OTC: variants seen among roughly 807,000 people sequenced by gnomAD.
The protein encoded by OTC is ornithine transcarbamylase, mitochondrial.
A neutral mutation model predicts 30.3 loss-of-function variants in OTC; 3 were observed. The observed-to-expected ratio is 0.10, with a 90% CI of 0.05 to 0.26. OTC has a LOEUF of 0.26. OTC is among the 10% of genes least tolerant of loss of function. The probability of loss-of-function intolerance (pLI) is 1.00; values close to 1 mark genes in which losing one functional copy is unlikely to be tolerated. For missense variants in OTC, 194 were observed against 260.3 expected (o/e 0.75, Z 1.75); for synonymous variants, 111 against 99.7 (o/e 1.11, Z -0.67).
intron 6 of OTC, among the ~76,000 whole-genome samples, chrX:38,407,466 T>G (rs1389483216): frequency 8.9e-6 from 1 of 111,861 alleles, no homozygotes; most frequent in East Asian, 2.8e-4. Context: ...AATCAACTCA[T>G]AATCAATGCT....
chrX:38,375,898 C>T (rs1414930074), intron 3 of OTC, among the ~76,000 whole-genome samples: 1 of 110,622 alleles, frequency 9.0e-6, no homozygotes, highest in Non-Finnish European at 1.9e-5. Flanking sequence ...CTGGGGCACA[C>T]CAACATTCAG....
At chrX:38,362,435 A>G (rs1333270466) in intron 1 of OTC, among the ~76,000 whole-genome samples, 1 of 111,901 alleles carries the variant, frequency 8.9e-6, no homozygotes, top group African/African-American at 3.2e-5. Flanking sequence ...GCTGCCATGG[A>G]AAGTCTAGAG....
chrX:38,400,302 A>G (rs1448404755), intron 4 of OTC, among the ~76,000 whole-genome samples: 5 of 111,492 alleles, frequency 4.5e-5, no homozygotes, highest in Admixed American at 3.8e-4. Context: ...GTCTAGAAAA[A>G]TATTGTTATA....
intron 8 of OTC, 143 bp downstream of exon 8, chrX:38,409,168 C>T: frequency 1.5e-6 from 1 of 645,662 alleles, no homozygotes; most frequent in Non-Finnish European, 2.4e-6. Context: ...CTAGGGACTT[C>T]TCTCCTTCCA....
chrX:38,388,978 G>A (rs11798353), intron 4 of OTC, among the ~76,000 whole-genome samples: 19,883 of 111,247 alleles, frequency 0.18, 1,562 homozygotes, highest in Middle Eastern at 0.27. Flanking sequence ...TCCAAAATCA[G>A]TGTGTCAACA....
chrX:38,382,501 A>G (rs913081874), intron 4 of OTC, among the ~76,000 whole-genome samples: 2 of 112,413 alleles, frequency 1.8e-5, no homozygotes, highest in Non-Finnish European at 3.7e-5. Flanking sequence ...AGAGATTTCA[A>G]ATAACTCTTC....
intron 3 of OTC, among the ~76,000 whole-genome samples, chrX:38,375,722 TA>T (rs778382063): frequency 1.8e-5 from 2 of 111,133 alleles, no homozygotes; most frequent in Non-Finnish European, 3.8e-5. Flanking sequence ...GCAAAGATGT[TA>T]AAAAAAAGCA....
chrX:38,377,985 C>T (rs997545694), intron 3 of OTC, among the ~76,000 whole-genome samples: 7 of 109,035 alleles, frequency 6.4e-5, no homozygotes, highest in African/African-American at 1.0e-4. Flanking sequence ...TACAGGCGCC[C>T]GCCACCATGC....
chrX:38,373,179 A>G (rs1325216154), intron 3 of OTC, among the ~76,000 whole-genome samples: 1 of 112,370 alleles, frequency 8.9e-6, no homozygotes, highest in Non-Finnish European at 1.9e-5. Context: ...GAAGCTTCCC[A>G]CTACCCTTCA....
At chrX:38,364,791 C>CAA (rs59159746) in intron 1 of OTC, among the ~76,000 whole-genome samples, 21,157 of 99,022 alleles carry the variant, frequency 0.21, 2,020 homozygotes, top group African/African-American at 0.28. Context: ...GACTCCATCT[C>CAA]AAAAAAAAAA....
At chrX:38,378,234 A>G (rs1295752819) in intron 3 of OTC, among the ~76,000 whole-genome samples, 1 of 99,342 alleles carries the variant, frequency 1.0e-5, no homozygotes, top group Admixed American at 1.2e-4. Flanking sequence ...TCACCTATCC[A>G]TCTTCCTCAG....
At chrX:38,406,507 G>T (rs2068516488) in intron 6 of OTC, among the ~76,000 whole-genome samples, 1 of 111,670 alleles carries the variant, frequency 9.0e-6, no homozygotes, top group Non-Finnish European at 1.9e-5. Flanking sequence ...TGTGAGTAAA[G>T]AATTCCTCTC....
intron 6 of OTC, among the ~76,000 whole-genome samples, chrX:38,404,328 T>C (rs1202306808): frequency 4.5e-5 from 5 of 111,974 alleles, no homozygotes; most frequent in Non-Finnish European, 9.4e-5. Context: ...CATGACTTCT[T>C]TCATAGGCCC....
upstream of OTC, chrX:38,352,431 A>T: frequency 2.9e-6 from 1 of 343,502 alleles, no homozygotes; most frequent in East Asian, 5.5e-5. Context: ...ATTATGAAAA[A>T]TGAGGAGGCC....
chrX:38,376,703 G>C (rs183029382), intron 3 of OTC, among the ~76,000 whole-genome samples: 63 of 111,845 alleles, frequency 5.6e-4, no homozygotes, highest in Non-Finnish European at 1.0e-3. Context: ...CTTATATCAG[G>C]TAAAATAGAT....
intron 9 of OTC, among the ~76,000 whole-genome samples, chrX:38,412,626 C>T (rs1054085323): frequency 8.9e-6 from 1 of 112,080 alleles, no homozygotes; most frequent in African/African-American, 3.2e-5. Context: ...TCCCAAATGT[C>T]ACCTGCTCTG....
intron 6 of OTC, among the ~76,000 whole-genome samples, chrX:38,408,082 C>T (rs1327469800): frequency 8.9e-6 from 1 of 112,383 alleles, no homozygotes; most frequent in East Asian, 2.8e-4. Context: ...CTAGGCACCT[C>T]GCTTGCCTCT....
At chrX:38,346,548 A>G in the OTC span, among the ~76,000 whole-genome samples, 2 of 112,497 alleles carry the variant, frequency 1.8e-5, no homozygotes, top group Admixed American at 1.9e-4. Flanking sequence ...GCGGGAAACA[A>G]CTCAATTGTC....
chrX:38,407,637 G>A (rs2068521878), intron 6 of OTC, among the ~76,000 whole-genome samples: 1 of 111,013 alleles, frequency 9.0e-6, no homozygotes, highest in Non-Finnish European at 1.9e-5. Context: ...CAAGAGAGGA[G>A]GTGTTCAAGG....
Sources: allele counts gnomAD v4.1 joint callset (sites outside exome capture counted in the v4.1 genomes callset), GRCh38; gene constraint gnomAD v4.1.1; transcripts MANE v1.5; gene names NCBI Gene and HGNC (gene_info 2026-07-23, HGNC 2026-07-21).